The following GPBP1 variants were observed in gnomAD, a reference collection of about 807,000 sequenced individuals.
GPBP1 encodes the protein GC-rich promoter binding protein 1.
A neutral mutation model predicts 56.5 loss-of-function variants in GPBP1; 13 were observed. That is an observed-to-expected ratio of 0.23 (90% CI 0.15 to 0.37). The LOEUF (loss-of-function observed/expected upper bound fraction) is 0.37, where lower values mean the gene tolerates loss of function less well. GPBP1 is among the 10% of genes least tolerant of loss of function. The pLI, the probability that GPBP1 is intolerant of heterozygous loss-of-function variation, is 1.00. For missense variants in GPBP1, 477 were observed against 572.3 expected (o/e 0.83, Z 1.70); for synonymous variants, 204 against 188.9 (o/e 1.08, Z -0.66).
intron 2 of GPBP1, among the ~76,000 whole-genome samples, chr5:57,206,288 T>G (rs886658220): frequency 6.6e-6 from 1 of 152,212 alleles, no homozygotes; most frequent in Non-Finnish European, 1.5e-5. Context: ...GGTGTCATAT[T>G]TAAGAATTCA....
At chr5:57,195,248 C>T (rs1043553251) in intron 2 of GPBP1, among the ~76,000 whole-genome samples, 11 of 152,072 alleles carry the variant, frequency 7.2e-5, no homozygotes, top group South Asian at 2.1e-4. Flanking sequence ...TTTGATCTCC[C>T]GGGCTCAAGT....
At chr5:57,262,263 A>G (rs1196191454) in intron 11 of GPBP1, among the ~76,000 whole-genome samples, 1 of 152,176 alleles carries the variant, frequency 6.6e-6, no homozygotes, top group Admixed American at 6.5e-5. Context: ...ACTATGAACA[A>G]AGCAGATTGG....
chr5:57,223,093 T>C (rs1395965785), intron 3 of GPBP1, among the ~76,000 whole-genome samples: 1 of 147,548 alleles, frequency 6.8e-6, no homozygotes, highest in Non-Finnish European at 1.5e-5. Context: ...CCATTTATAT[T>C]GCAAATGTTT....
In GPBP1 at chr5:57,175,881, C is replaced by A. The variant is rs1171776563; in HGVS notation, c.-577C>A. 2.5e-5 allele frequency: 10 copies of A among 397,864 alleles called. No homozygotes were observed. The highest frequency in any genetic ancestry group is 4.4e-6 in the Non-Finnish European group (1 of 225,860). 24.6% of individuals were successfully genotyped at this position (397,864 alleles called of 1,614,324 possible). ...TGAAAGTTTTAGGAATTTTTGACTTCAGCTCTTTCATGTCACAATGGGACA... is the reference window on the plus strand; with the variant it reads ...TGAAAGTTTTAGGAATTTTTGACTTAAGCTCTTTCATGTCACAATGGGACA... On this transcript the variant is annotated 5_prime_UTR_variant, in exon 2 of 12. Transcript: ENST00000506184.
intron 5 of GPBP1, among the ~76,000 whole-genome samples, chr5:57,232,508 C>T (rs1756502315): frequency 6.6e-6 from 1 of 152,194 alleles, no homozygotes; most frequent in African/African-American, 2.4e-5. Context: ...GACTGTTCTT[C>T]CTTATTTGGA....
chr5:57,251,726 T>A (rs1741402972), intron 10 of GPBP1, among the ~76,000 whole-genome samples: 1 of 152,172 alleles, frequency 6.6e-6, no homozygotes. Context: ...TGCTGGGACA[T>A]ATGATAGTTG....
intron 6 of GPBP1, among the ~76,000 whole-genome samples, chr5:57,242,944 T>C (rs1247254035): frequency 2.6e-5 from 4 of 151,668 alleles, no homozygotes; most frequent in Admixed American, 6.6e-5. Context: ...AAAGACAGGG[T>C]TTCACCATGT....
At chr5:57,251,822 G>C (rs1407647080) in intron 10 of GPBP1, among the ~76,000 whole-genome samples, 11 of 152,140 alleles carry the variant, frequency 7.2e-5, no homozygotes, top group African/African-American at 2.2e-4. Flanking sequence ...GAAGGTTCTA[G>C]TTTCTCCACA....
chr5:57,194,678 C>T (rs1386675010), intron 2 of GPBP1, among the ~76,000 whole-genome samples: 1 of 152,108 alleles, frequency 6.6e-6, no homozygotes, highest in Admixed American at 6.6e-5. Context: ...TCCCACTCCC[C>T]AGCCTCTAGT....
chr5:57,181,341 G>A (rs542981248), intron 2 of GPBP1, among the ~76,000 whole-genome samples: 2 of 150,986 alleles, frequency 1.3e-5, no homozygotes, highest in East Asian at 3.9e-4. Context: ...CCTCAAAAAT[G>A]AATAAGAATT....
intron 3 of GPBP1, among the ~76,000 whole-genome samples, chr5:57,214,923 A>G (rs935846486): frequency 2.3e-4 from 35 of 152,324 alleles, no homozygotes; most frequent in African/African-American, 7.7e-4. Flanking sequence ...CAGTCTCCCA[A>G]AGTGCTGGGA....
At chr5:57,184,464 G>A (rs769947164) in intron 2 of GPBP1, among the ~76,000 whole-genome samples, 3 of 151,952 alleles carry the variant, frequency 2.0e-5, no homozygotes, top group Non-Finnish European at 4.4e-5. Flanking sequence ...ATGTCACATG[G>A]CAAGAGGGAG....
intron 10 of GPBP1, among the ~76,000 whole-genome samples, chr5:57,258,247 TAGTC>T (rs1741746544): frequency 6.6e-6 from 1 of 152,198 alleles, no homozygotes; most frequent in African/African-American, 2.4e-5. Flanking sequence ...TACAGTAATA[TAGTC>T]AGTCATGCAT....
intron 2 of GPBP1, 27 bp from the exon 3 acceptor site, chr5:57,214,047 C>T: frequency 8.8e-7 from 1 of 1,134,776 alleles, no homozygotes; most frequent in Non-Finnish European, 1.3e-6. Flanking sequence ...AGCTGCAGGT[C>T]TAATTCCTTC....
chr5:57,193,743 C>T (rs889282451), intron 2 of GPBP1, among the ~76,000 whole-genome samples: 12 of 151,032 alleles, frequency 7.9e-5, no homozygotes, highest in Admixed American at 2.0e-4. Context: ...GATGATTGGT[C>T]TTTAGCCTAA....
intron 3 of GPBP1, 65 bp downstream of exon 3, chr5:57,214,258 T>G: frequency 1.5e-6 from 2 of 1,301,270 alleles, no homozygotes; most frequent in East Asian, 2.3e-5. Flanking sequence ...CAAATGTAAT[T>G]AAGTCATGGA....
At chr5:57,193,796 A>G (rs563281271) in intron 2 of GPBP1, among the ~76,000 whole-genome samples, 8 of 152,184 alleles carry the variant, frequency 5.3e-5, no homozygotes, top group African/African-American at 1.7e-4. Flanking sequence ...TAAGGATTTG[A>G]AAAAAACAAA....
chr5:57,207,565 A>G (rs1313805792), intron 2 of GPBP1, among the ~76,000 whole-genome samples: 2 of 152,218 alleles, frequency 1.3e-5, no homozygotes, highest in African/African-American at 4.8e-5. Flanking sequence ...CTAGCCATCC[A>G]TAGGCGGCTT....
chr5:57,180,679 T>G (rs1754003730), intron 2 of GPBP1, among the ~76,000 whole-genome samples: 1 of 152,204 alleles, frequency 6.6e-6, no homozygotes, highest in South Asian at 2.1e-4. Context: ...TTCATTATAC[T>G]GATGGAAATA....
Sources: gnomAD v4.1 joint callset for allele counts (sites outside exome capture counted in the v4.1 genomes callset) on GRCh38, gnomAD v4.1.1 for gene constraint, MANE v1.5 for transcripts, NCBI Gene and HGNC (gene_info 2026-07-23, HGNC 2026-07-21) for gene names.